Variants in SORCS2 observed in about 807,000 individuals in gnomAD.
SORCS2 encodes the protein VPS10 domain-containing receptor SorCS2.
In SORCS2, 100 loss-of-function variants were observed where a neutral mutation model predicts 141.6. The observed-to-expected ratio is 0.71, with a 90% CI of 0.60 to 0.83. The LOEUF (loss-of-function observed/expected upper bound fraction) is 0.83, where lower values mean the gene tolerates loss of function less well. SORCS2 is among the 40% of genes least tolerant of loss of function. The pLI is 0.00. For synonymous variants in SORCS2, 789 were observed against 676.9 expected, an observed-to-expected ratio of 1.17 and a Z score of -2.57; for missense variants, 1,646 against 1,560.2, an observed-to-expected ratio of 1.05 and a Z score of -0.93.
At chr4:7,528,798 G>A (rs1346080800) in intron 2 of SORCS2, among the ~76,000 whole-genome samples, 2 of 152,042 alleles carry the variant, frequency 1.3e-5, no homozygotes, top group Non-Finnish European at 2.9e-5. Context: ...AAGTACCACT[G>A]TGGCGAACTC....
chr4:7,366,331 G>A (rs996316175), intron 1 of SORCS2, among the ~76,000 whole-genome samples: 1 of 151,896 alleles, frequency 6.6e-6, no homozygotes, highest in Admixed American at 6.6e-5. Flanking sequence ...TGCGGTGAGT[G>A]CGTGGTGGCT....
At chr4:7,688,178 G>C (rs1723992269) in intron 10 of SORCS2, among the ~76,000 whole-genome samples, 1 of 152,210 alleles carries the variant, frequency 6.6e-6, no homozygotes. Flanking sequence ...AATGAAGAGA[G>C]AGGATACCTC....
intron 1 of SORCS2, among the ~76,000 whole-genome samples, chr4:7,320,319 A>G (rs904756449): frequency 9.9e-5 from 15 of 152,240 alleles, no homozygotes; most frequent in African/African-American, 3.6e-4. Flanking sequence ...TGTGAATAGC[A>G]TAGGTGATTG....
intron 1 of SORCS2, among the ~76,000 whole-genome samples, chr4:7,221,134 C>T (rs1361837516): frequency 6.6e-6 from 1 of 152,160 alleles, no homozygotes; most frequent in Non-Finnish European, 1.5e-5. Context: ...CGACCATGCC[C>T]CTGTGGGTTG....
intron 1 of SORCS2, among the ~76,000 whole-genome samples, chr4:7,330,463 G>A (rs559943850): frequency 1.8e-4 from 27 of 151,704 alleles, no homozygotes; most frequent in African/African-American, 4.8e-4. Context: ...CCACCCCCAC[G>A]CACACCCCTG....
intron 2 of SORCS2, among the ~76,000 whole-genome samples, chr4:7,399,507 G>A (rs1407861273): frequency 6.6e-6 from 1 of 152,170 alleles, no homozygotes; most frequent in Admixed American, 6.5e-5. Context: ...CCCCCTCCTG[G>A]CTTCCCTGAT....
chr4:7,713,573 G>A (rs1254862049), intron 15 of SORCS2, among the ~76,000 whole-genome samples: 1 of 152,136 alleles, frequency 6.6e-6, no homozygotes, highest in Non-Finnish European at 1.5e-5. Flanking sequence ...GTCAGTGGGT[G>A]GAAACTGACT....
chr4:7,481,495 G>A (rs896753163), intron 2 of SORCS2, among the ~76,000 whole-genome samples: 2 of 152,188 alleles, frequency 1.3e-5, no homozygotes, highest in Non-Finnish European at 2.9e-5. Flanking sequence ...ATGTGGAGTC[G>A]GCATCCGGCA....
At chr4:7,355,083 A>T (rs1016752482) in intron 1 of SORCS2, among the ~76,000 whole-genome samples, 1 of 152,130 alleles carries the variant, frequency 6.6e-6, no homozygotes, top group African/African-American at 2.4e-5. Flanking sequence ...GGTCCAGCTA[A>T]TGATGTGTTG....
chr4:7,270,736 T>C (rs1024176808), intron 1 of SORCS2, among the ~76,000 whole-genome samples: 3 of 152,248 alleles, frequency 2.0e-5, no homozygotes, highest in Non-Finnish European at 2.9e-5. Context: ...TTTCTTTTTG[T>C]GAAGCATTTA....
intron 1 of SORCS2, among the ~76,000 whole-genome samples, chr4:7,239,290 A>G (rs1712518156): frequency 6.6e-6 from 1 of 152,236 alleles, no homozygotes; most frequent in African/African-American, 2.4e-5. Flanking sequence ...GCTGGGGCCC[A>G]GCACCGAGGG....
chr4:7,739,132 G>T (rs1418939506), intron 26 of SORCS2, among the ~76,000 whole-genome samples: 4 of 152,216 alleles, frequency 2.6e-5, no homozygotes, highest in Admixed American at 2.6e-4. Context: ...GGTCAGAGCT[G>T]TTACTCAACC....
intron 2 of SORCS2, among the ~76,000 whole-genome samples, chr4:7,437,993 C>T (rs1021923639): frequency 6.6e-6 from 1 of 152,190 alleles, no homozygotes; most frequent in Admixed American, 6.5e-5. Flanking sequence ...ACTTTGGTGC[C>T]TATTTCCTAA....
intron 26 of SORCS2, among the ~76,000 whole-genome samples, chr4:7,739,818 CCCGGGGCCTCG>C (rs1223051076): frequency 6.6e-6 from 1 of 152,194 alleles, no homozygotes; most frequent in Non-Finnish European, 1.5e-5. Flanking sequence ...ACTCTCGCCT[CCCGGGGCCTCG>C]CCACTCTACG....
At chr4:7,726,092 C>T (rs552723433) in intron 20 of SORCS2, among the ~76,000 whole-genome samples, 7 of 152,282 alleles carry the variant, frequency 4.6e-5, no homozygotes, top group South Asian at 2.1e-4. Flanking sequence ...GGCGCCCACC[C>T]GGCTGAGTGT....
intron 3 of SORCS2, among the ~76,000 whole-genome samples, chr4:7,584,349 C>T (rs1399544561): frequency 6.6e-6 from 1 of 152,136 alleles, no homozygotes; most frequent in Non-Finnish European, 1.5e-5. Context: ...TGGGTCTGTG[C>T]CCAGTACTGG....
intron 4 of SORCS2, among the ~76,000 whole-genome samples, chr4:7,650,498 G>C (rs768699250): frequency 6.6e-6 from 1 of 152,184 alleles, no homozygotes; most frequent in Admixed American, 6.5e-5. Context: ...TGGAGCGCAC[G>C]CAAGGTCTCC....
At chr4:7,706,350 C>T (rs75237531) in intron 14 of SORCS2, among the ~76,000 whole-genome samples, 14,802 of 24,416 alleles carry the variant, frequency 0.61, 3,773 homozygotes, top group South Asian at 0.73. Flanking sequence ...GGCTGGGCTC[C>T]GTCTGGGCAG....
At chr4:7,605,456 G>T (rs1173686802) in intron 3 of SORCS2, among the ~76,000 whole-genome samples, 1 of 152,174 alleles carries the variant, frequency 6.6e-6, no homozygotes, top group Non-Finnish European at 1.5e-5. Flanking sequence ...GGGGTGCAGG[G>T]AGAGGACACT....
Sources: gnomAD v4.1 joint callset for allele counts (sites outside exome capture counted in the v4.1 genomes callset) on GRCh38, gnomAD v4.1.1 for gene constraint, MANE v1.5 for transcripts, NCBI Gene and HGNC (gene_info 2026-07-23, HGNC 2026-07-21) for gene names.